RUVBL1: variants seen among roughly 807,000 people sequenced by gnomAD.
The protein encoded by RUVBL1 is RuvB like AAA ATPase 1, also known as ruvB-like 1.
Under a neutral mutation model 52.4 loss-of-function variants are expected in RUVBL1, and 4 were observed. That is an observed-to-expected ratio of 0.08 (90% CI 0.04 to 0.17). The LOEUF is 0.17. RUVBL1 is among the 10% of genes least tolerant of loss of function. The probability of loss-of-function intolerance (pLI) is 1.00; values close to 1 mark genes in which losing one functional copy is unlikely to be tolerated. For missense variants in RUVBL1, 298 were observed against 572.8 expected, an observed-to-expected ratio of 0.52 and a Z score of 4.90; for synonymous variants, 217 against 214.4, an observed-to-expected ratio of 1.01 and a Z score of -0.10.
chr3:128,094,467 G>A (rs951397312), intron 8 of RUVBL1, among the ~76,000 whole-genome samples: 9 of 152,198 alleles, frequency 5.9e-5, no homozygotes, highest in East Asian at 3.8e-4. Context: ...GCAGCACCCC[G>A]TCAAAGCTCC....
At position 128,113,037 on chromosome 3, in the gene RUVBL1, C is replaced by A. The variant is rs749101198; in HGVS notation, c.229-17G>T. ...CAGAGCTGTCTACAAAAGAAAGCAA[C>A]GGAAACACAGTTCACAGTCCTGAAA... On this transcript the variant is annotated splice_polypyrimidine_tract_variant and intron_variant, in intron 2 of 10. Transcript: ENST00000322623. 1.2e-6 allele frequency: 2 copies of A among 1,611,978 alleles called. No homozygotes were observed. Among genetic ancestry groups the A allele is most frequent in the South Asian group, 1.1e-5 (1 of 90,762 alleles).
intron 9 of RUVBL1, chr3:128,066,864 C>A: frequency 2.4e-6 from 3 of 1,261,740 alleles, no homozygotes; most frequent in Non-Finnish European, 3.4e-6. Flanking sequence ...TCCCTTGTGG[C>A]CCACTGGACA....
intron 1 of RUVBL1, among the ~76,000 whole-genome samples, chr3:128,136,143 A>G (rs553944136): frequency 1.1e-3 from 165 of 152,216 alleles, no homozygotes; most frequent in African/African-American, 3.8e-3. Flanking sequence ...AGAAATTTAA[A>G]GATACCACCA....
At chr3:128,102,357 G>T (rs1943125701) in intron 4 of RUVBL1, among the ~76,000 whole-genome samples, 1 of 152,260 alleles carries the variant, frequency 6.6e-6, no homozygotes, top group Admixed American at 6.5e-5. Context: ...CTCCAGGAAA[G>T]GAAATAAGCA....
intron 1 of RUVBL1, among the ~76,000 whole-genome samples, chr3:128,137,540 T>C (rs1393293308): frequency 6.6e-6 from 1 of 152,160 alleles, no homozygotes; most frequent in Non-Finnish European, 1.5e-5. Flanking sequence ...AGATCAAAGC[T>C]GTAATAAAAA....
At chr3:128,098,817 G>T in intron 7 of RUVBL1, 65 bp downstream of exon 7, 1 of 1,361,884 alleles carries the variant, frequency 7.3e-7, no homozygotes, top group Non-Finnish European at 1.1e-6. Context: ...AGAGCCGCAA[G>T]AGCATCTCAG....
intron 9 of RUVBL1, chr3:128,068,857 T>C (rs1352565881): frequency 6.6e-6 from 1 of 152,442 alleles, no homozygotes; most frequent in Non-Finnish European, 1.5e-5. Context: ...CATGGCCGTG[T>C]TCCTACAAAG....
Position 128,152,820 on chromosome 3 carries a change from G to A in RUVBL1, c.-40+383C>T, listed in dbSNP as rs191542041. The stretch of plus-strand genomic sequence containing the variant: ...GAAGAGCAAAAAGCTTCTGCAATGC[G>A]AAAGGGCACCTGAGAGGGTTGCTGC... On this transcript the variant is annotated intron_variant, in intron 1 of 9. Coordinates refer to the RUVBL1 transcript ENST00000464873. 2.3e-4 allele frequency among the ~76,000 whole-genome samples: 35 copies of A among 151,096 alleles called. No individual in the cohort carries two copies. The East Asian group carries it at 5.9e-3, about 25-fold the overall frequency.
chr3:128,074,384 A>AG (rs1257885500), intron 9 of RUVBL1, among the ~76,000 whole-genome samples: 1 of 151,998 alleles, frequency 6.6e-6, no homozygotes, highest in East Asian at 1.9e-4. Context: ...TTGCAAAAAA[A>AG]AAAAAAATTC....
intron 8 of RUVBL1, among the ~76,000 whole-genome samples, chr3:128,088,530 C>T (rs1289293824): frequency 6.7e-6 from 1 of 149,412 alleles, no homozygotes; most frequent in Non-Finnish European, 1.5e-5. Flanking sequence ...TAATTATACT[C>T]TATAGTATAA....
Position 128,067,144 on chromosome 3 carries a change from C to T in RUVBL1, c.940-1924G>A, listed in dbSNP as rs1395469737. On this transcript the variant is annotated intron_variant, in intron 9 of 9. Transcript: ENST00000464873. The surrounding 1 kb of genome is among the most constrained non-coding windows in gnomAD (Gnocchi z 4.1). The stretch of plus-strand genomic sequence containing the variant: ...AACTTGCTGGTCAGCCTGCTGGGCA[C>T]CTGGTCGGTAAGTAGGCTCTTTGAA... 2 of 1,614,164 alleles carry T rather than the reference C, an allele frequency of 1.2e-6. No individual in the cohort carries two copies. The highest frequency in any genetic ancestry group is 2.2e-5 in the South Asian group (2 of 91,082).
chr3:128,112,195 T>G (rs33998546), intron 3 of RUVBL1, among the ~76,000 whole-genome samples: 21,573 of 152,206 alleles, frequency 0.14, 1,748 homozygotes, highest in African/African-American at 0.21. Flanking sequence ...GAGAAGCCAT[T>G]TTCTTCTCAC....
intron 1 of RUVBL1, among the ~76,000 whole-genome samples, chr3:128,132,006 A>G (rs1011363861): frequency 5.9e-5 from 9 of 152,222 alleles, no homozygotes; most frequent in African/African-American, 1.9e-4. Context: ...AGAGTAGGAA[A>G]GACAGTCTTG....
At chr3:128,150,339 A>G (rs1181668583) in intron 1 of RUVBL1, among the ~76,000 whole-genome samples, 1 of 152,002 alleles carries the variant, frequency 6.6e-6, no homozygotes, top group Non-Finnish European at 1.5e-5. Context: ...TGGAATATAC[A>G]TGGAATATAT....
intron 8 of RUVBL1, among the ~76,000 whole-genome samples, chr3:128,094,955 C>A (rs1942936004): frequency 1.3e-5 from 2 of 152,200 alleles, no homozygotes; most frequent in Non-Finnish European, 2.9e-5. Context: ...AATTCTCTTC[C>A]AAAGCAAACA....
chr3:128,089,201 G>C (rs184432614), intron 8 of RUVBL1, among the ~76,000 whole-genome samples: 77 of 152,238 alleles, frequency 5.1e-4, no homozygotes, highest in Non-Finnish European at 9.7e-4. Context: ...CCCATCTTTT[G>C]CCTATTTTTC....
At position 128,138,888 on chromosome 3, in the gene RUVBL1, C is replaced by T. The variant is rs375252770; in HGVS notation, c.-40+14315G>A. On this transcript the variant is annotated intron_variant, in intron 1 of 9. Coordinates refer to the RUVBL1 transcript ENST00000464873. ...TAGTCTAATGGAATAGAATAGAGAACCCAGAAACAAATCCATACATTTACA... is the reference window on the plus strand; with the variant it reads ...TAGTCTAATGGAATAGAATAGAGAATCCAGAAACAAATCCATACATTTACA... 2.4e-4 allele frequency among the ~76,000 whole-genome samples: 36 copies of T among 152,122 alleles called. No homozygotes were observed. In the East Asian group the frequency reaches 6.0e-3, roughly 25 times the overall value.
rs1942500230 is a variant in RUVBL1, at chr3:128,082,312, T to C, written c.1211+171A>G. 1.7e-6 allele frequency: 1 copy of C among 588,736 alleles called. No homozygotes were observed. The highest frequency in any genetic ancestry group is 3.0e-6 in the Non-Finnish European group (1 of 328,670). 36.5% of individuals were successfully genotyped at this position (588,736 alleles called of 1,614,324 possible). A position where few individuals can be genotyped will look rare whatever the true frequency, so the allele number is the denominator to read the frequency against. ...CTCTAGCTTGTTAAAAACCATCAGA[T>C]AGATCCTCTGCATTTGAAACTCAAG... is the stretch of plus-strand genomic sequence containing the variant. On this transcript the variant is annotated intron_variant, in intron 10 of 10. Coordinates refer to ENST00000322623, the MANE Select transcript of RUVBL1 (RefSeq NM_003707.3). The surrounding 1 kb of genome is among the most constrained non-coding windows in gnomAD (Gnocchi z 4.7).
At chr3:128,125,868 C>G (rs1159097585), upstream of RUVBL1, among the ~76,000 whole-genome samples, 1 of 152,168 alleles carries the variant, frequency 6.6e-6, no homozygotes, top group Non-Finnish European at 1.5e-5. Context: ...ACTTTTCCAC[C>G]AACTAGTAGT....
Sources: allele counts gnomAD v4.1 joint callset (sites outside exome capture counted in the v4.1 genomes callset), GRCh38; gene constraint gnomAD v4.1.1; non-coding constraint Gnocchi (gnomAD v3.1); transcripts MANE v1.5; gene names NCBI Gene and HGNC (gene_info 2026-07-23, HGNC 2026-07-21).